Variants in EIF2S1 observed in about 807,000 individuals in gnomAD.
EIF2S1 encodes eukaryotic translation initiation factor 2 subunit 1.
A neutral mutation model predicts 33.5 loss-of-function variants in EIF2S1; 5 were observed. The ratio of observed to expected loss-of-function variants is 0.15; its 90% CI spans 0.08 to 0.31. The LOEUF is 0.31. EIF2S1 is among the 10% of genes least tolerant of loss of function. The pLI is 1.00. For synonymous variants in EIF2S1, 99 were observed against 127.5 expected (o/e 0.78, Z 1.51); for missense variants, 191 against 384.6 (o/e 0.50, Z 4.21).
chr14:67,378,314 C>CTTTT (rs34487632), intron 4 of EIF2S1, among the ~76,000 whole-genome samples: 343 of 107,596 alleles, frequency 3.2e-3, no homozygotes, highest in Middle Eastern at 0.011. Flanking sequence ...TCTCATGTGA[C>CTTTT]TTTTTTTTTT....
At chr14:67,382,683 A>C in intron 7 of EIF2S1, 93 bp downstream of exon 7, 2 of 1,421,088 alleles carry the variant, frequency 1.4e-6, no homozygotes, top group Non-Finnish European at 2.0e-6. Flanking sequence ...TTGGAATGTC[A>C]TATTGTAGGA....
chr14:67,382,300 T>C (rs2141153558), intron 6 of EIF2S1, 147 bp from the exon 7 acceptor site: 2 of 603,078 alleles, frequency 3.3e-6, no homozygotes, highest in Non-Finnish European at 5.5e-6. Context: ...GCCAATTCTG[T>C]AGGACCCTAA....
intron 4 of EIF2S1, among the ~76,000 whole-genome samples, chr14:67,379,341 G>GA (rs2085873733): frequency 6.6e-6 from 1 of 152,160 alleles, no homozygotes; most frequent in South Asian, 2.1e-4. Context: ...CTAGTCTAAT[G>GA]AATTCACAGT....
At chr14:67,365,636 C>G (rs2085771010) in intron 2 of EIF2S1, among the ~76,000 whole-genome samples, 2 of 152,082 alleles carry the variant, frequency 1.3e-5, no homozygotes, top group African/African-American at 4.8e-5. Context: ...TGTGAATACT[C>G]TTTTTTTAAA....
chr14:67,385,305 A>C lies in EIF2S1; in HGVS notation c.*1865A>C, dbSNP rs1238507158. On this transcript the variant is annotated 3_prime_UTR_variant, in exon 8 of 8. Coordinates refer to ENST00000256383, the MANE Select transcript of EIF2S1 (RefSeq NM_004094.5). ...AGAAGTAAGTTTATCCAAATCTTGA[A>C]TTTCTGCCAGGCATGGTAGCTCATG... 3.9e-5 allele frequency: 6 copies of C among 152,278 alleles called. No individual in the cohort carries two copies. The highest frequency in any genetic ancestry group is 1.3e-4 in the Admixed American group (2 of 15,292). The allele number at this position is 152,278 out of a possible 1,614,324, so 9.4% of individuals were successfully genotyped here.
intron 2 of EIF2S1, among the ~76,000 whole-genome samples, chr14:67,372,059 G>A (rs1002938542): frequency 2.0e-5 from 3 of 151,814 alleles, no homozygotes; most frequent in African/African-American, 4.8e-5. Flanking sequence ...GAGCCCAGGA[G>A]TTCGAGACCA....
intron 2 of EIF2S1, among the ~76,000 whole-genome samples, chr14:67,372,527 A>C (rs965067743): frequency 6.6e-6 from 1 of 152,174 alleles, no homozygotes; most frequent in Non-Finnish European, 1.5e-5. Flanking sequence ...ACTCTTGAAC[A>C]ACCTAAAAAA....
intron 4 of EIF2S1, among the ~76,000 whole-genome samples, chr14:67,377,470 A>G (rs1412771444): frequency 6.6e-6 from 1 of 152,212 alleles, no homozygotes; most frequent in East Asian, 1.9e-4. Context: ...TGGTATGCTC[A>G]CTACCTATTT....
At position 67,384,133 on chromosome 14, in the gene EIF2S1, G is replaced by T. The variant is rs1305021782; in HGVS notation, c.*693G>T. 1 of 152,354 alleles carries T rather than the reference G, an allele frequency of 6.6e-6. No homozygotes were observed. The highest frequency in any genetic ancestry group is 1.9e-4 in the East Asian group (1 of 5,206). 9.4% of individuals were successfully genotyped at this position (152,354 alleles called of 1,614,324 possible). A position where few individuals can be genotyped will look rare whatever the true frequency, so the allele number is the denominator to read the frequency against. ...ATCTATTTGAGATTGATGACAACCT[G>T]TGTGAGAGAATTTATCACACCACGT... On this transcript the variant is annotated 3_prime_UTR_variant, in exon 8 of 8. Transcript: ENST00000256383.
chr14:67,382,860 G>A (rs976533196), intron 7 of EIF2S1, among the ~76,000 whole-genome samples: 1 of 152,018 alleles, frequency 6.6e-6, no homozygotes, highest in Non-Finnish European at 1.5e-5. Context: ...GTTGTCTCCT[G>A]TCTTTTCCTT....
At chr14:67,369,762 T>G (rs1020395441) in intron 2 of EIF2S1, among the ~76,000 whole-genome samples, 2 of 152,208 alleles carry the variant, frequency 1.3e-5, no homozygotes, top group Non-Finnish European at 2.9e-5. Context: ...TTACTTATAT[T>G]AGAAAAGAAT....
intron 2 of EIF2S1, among the ~76,000 whole-genome samples, chr14:67,371,279 G>A (rs1200787174): frequency 6.6e-6 from 1 of 152,024 alleles, no homozygotes; most frequent in African/African-American, 2.4e-5. Context: ...GCTGGGTGTG[G>A]TGGTGTGTAC....
intron 1 of EIF2S1, among the ~76,000 whole-genome samples, chr14:67,363,222 A>AGCCCTG (rs371414031): frequency 5.9e-5 from 9 of 151,426 alleles, no homozygotes; most frequent in African/African-American, 1.9e-4. Flanking sequence ...ACCCTCGAAA[A>AGCCCTG]GCCCTGTTTA....
At chr14:67,382,776 T>C (rs369297829) in intron 7 of EIF2S1, 186 bp downstream of exon 7, 4 of 609,348 alleles carry the variant, frequency 6.6e-6, no homozygotes, top group East Asian at 5.7e-5. Context: ...ACAATATAAA[T>C]GAGAAGTTTT....
Position 67,364,749 on chromosome 14 carries a change from C to G in EIF2S1, c.-1-18C>G. On this transcript the variant is annotated intron_variant, in intron 1 of 7. Coordinates refer to ENST00000256383, the MANE Select transcript of EIF2S1 (RefSeq NM_004094.5). Reference sequence around the variant, plus strand: ...ACCTTAACTGAATACTTACTTAATTCTTTTGTTTAAATTGCAGAATGCCGG... The same window carrying G: ...ACCTTAACTGAATACTTACTTAATTGTTTTGTTTAAATTGCAGAATGCCGG... 3 of 1,587,890 alleles carry G rather than the reference C, an allele frequency of 1.9e-6. No individual in the cohort carries two copies. In the South Asian group the frequency reaches 3.4e-5, roughly 18 times the overall value.
intron 3 of EIF2S1, 58 bp downstream of exon 3, chr14:67,374,605 A>G: frequency 8.3e-7 from 1 of 1,199,430 alleles, no homozygotes; most frequent in Non-Finnish European, 1.2e-6. Context: ...AAATAATTTG[A>G]AATCTTAATT....
chr14:67,364,682 T>C, intron 1 of EIF2S1, 85 bp from the exon 2 acceptor site: 1 of 1,345,182 alleles, frequency 7.4e-7, no homozygotes, highest in Non-Finnish European at 1.0e-6. Flanking sequence ...TCATCTTTTC[T>C]TTCAGTGGCA....
rs77958018 is a variant in EIF2S1, at chr14:67,366,404, G to A, written c.241+1396G>A. 2.4e-3 allele frequency among the ~76,000 whole-genome samples: 367 copies of A among 152,276 alleles called. 3 individuals carry two copies. In the East Asian group the frequency reaches 0.033, roughly 14 times the overall value. On this transcript the variant is annotated intron_variant, in intron 2 of 7. Coordinates refer to ENST00000256383, the MANE Select transcript of EIF2S1 (RefSeq NM_004094.5). ...TCTATTGTATAAAATATACACAAAA[G>A]GAGGAATCAAATATGTTTTTAGTTG...
At chr14:67,363,207 C>A (rs2085753776) in intron 1 of EIF2S1, among the ~76,000 whole-genome samples, 1 of 151,684 alleles carries the variant, frequency 6.6e-6, no homozygotes, top group Non-Finnish European at 1.5e-5. Flanking sequence ...AGTTTCCCCA[C>A]CCCCACCCTC....
Sources: allele counts gnomAD v4.1 joint callset (sites outside exome capture counted in the v4.1 genomes callset), GRCh38; gene constraint gnomAD v4.1.1; transcripts MANE v1.5; gene names NCBI Gene and HGNC (gene_info 2026-07-23, HGNC 2026-07-21).